The following TXK variants were observed in gnomAD, a reference collection of about 807,000 sequenced individuals.
TXK encodes the protein TXK tyrosine kinase, also known as tyrosine-protein kinase TXK.
TXK carries 60 observed loss-of-function variants against 81.0 expected under a neutral mutation model. That is an observed-to-expected ratio of 0.74 (90% confidence interval 0.60 to 0.92). The LOEUF (loss-of-function observed/expected upper bound fraction) is 0.92. Ranked by LOEUF, TXK falls within the 40% of genes least tolerant of loss-of-function variation. The pLI is 0.00. For missense variants in TXK, 581 were observed against 638.3 expected (o/e 0.91, Z 0.97); for synonymous variants, 203 against 210.7 (o/e 0.96, Z 0.32).
Position 48,071,448 on chromosome 4 carries a change from T to C in TXK, c.1515+69A>G. 5 of 1,463,334 alleles carry C rather than the reference T, an allele frequency of 3.4e-6. No homozygotes were observed. The East Asian group carries it at 9.2e-5, about 27-fold the overall frequency. 90.6% of individuals were successfully genotyped at this position (1,463,334 alleles called of 1,614,324 possible). On this transcript the variant is annotated intron_variant, in intron 14 of 14. Coordinates refer to ENST00000264316, the MANE Select transcript of TXK (RefSeq NM_003328.3). ...CCATGACAGAGTTCTGAAGTAATGT[T>C]TGTGATAATCAGGTCTGCTCTCAGA...
At position 48,110,387 on chromosome 4, in the gene TXK, T is replaced by A. The variant is rs559283739; in HGVS notation, c.446+151A>T. The A allele has an allele frequency of 2.9e-5, 17 of 589,122 alleles. No individual in the cohort carries two copies. In the East Asian group the frequency reaches 5.2e-4, roughly 18 times the overall value. 36.5% of individuals were successfully genotyped at this position (589,122 alleles called of 1,614,324 possible). ...AGTATAAGGAAAAGAAGTTTCTGAA[T>A]CAACCATGATAAGGATCAAACGTCT... On this transcript the variant is annotated intron_variant, in intron 5 of 14. Transcript: ENST00000264316.
chr4:48,123,100 T>C (rs1353314839), intron 1 of TXK, among the ~76,000 whole-genome samples: 1 of 152,230 alleles, frequency 6.6e-6, no homozygotes, highest in Non-Finnish European at 1.5e-5. Context: ...AAAAAGTGTA[T>C]ATAATGGCCA....
intron 10 of TXK, among the ~76,000 whole-genome samples, chr4:48,080,701 CACAA>C (rs1349229786): frequency 1.9e-4 from 27 of 142,266 alleles, no homozygotes; most frequent in Admixed American, 1.9e-3. Context: ...CACACACACA[CACAA>C]AGACTTGAAT....
chr4:48,101,531 C>A (rs1221477981), intron 6 of TXK, among the ~76,000 whole-genome samples: 1 of 151,844 alleles, frequency 6.6e-6, no homozygotes, highest in Non-Finnish European at 1.5e-5. Flanking sequence ...AAACCCAAAC[C>A]AGAATATGTA....
Position 48,097,422 on chromosome 4 carries a change from C to CTTTT in TXK, c.502-2204_502-2201dup, listed in dbSNP as rs4031383. ...TGATTGGGTTTTTAAAAAGCTACCA[C>CTTTT]TTTTTTTTTTTTTTTGAGACGGAGT... On this transcript the variant is annotated intron_variant, in intron 6 of 14. Transcript: ENST00000264316. Among the ~76,000 whole-genome samples the CTTTT allele has an allele frequency of 4.6e-3, 653 of 141,840 alleles. 6 individuals are homozygous for CTTTT. The highest frequency in any genetic ancestry group is 0.014 in the African/African-American group (549 of 38,382). The allele number at this position is 141,840 out of a possible 152,430, so 93.1% of individuals were successfully genotyped here.
At chr4:48,095,818 G>A (rs1717957602) in intron 6 of TXK, among the ~76,000 whole-genome samples, 1 of 152,202 alleles carries the variant, frequency 6.6e-6, no homozygotes, top group Non-Finnish European at 1.5e-5. Context: ...CTGAAGTTAT[G>A]TTATAAATTA....
At chr4:48,123,316 C>T (rs939503915) in intron 1 of TXK, among the ~76,000 whole-genome samples, 1 of 152,128 alleles carries the variant, frequency 6.6e-6, no homozygotes, top group Non-Finnish European at 1.5e-5. Flanking sequence ...ATTTTTATTT[C>T]CCCAATTTGG....
At chr4:48,089,058 G>A (rs1717646488) in intron 9 of TXK, among the ~76,000 whole-genome samples, 1 of 152,156 alleles carries the variant, frequency 6.6e-6, no homozygotes, top group Non-Finnish European at 1.5e-5. Context: ...AAAAAAAGAT[G>A]AAGACGATAC....
rs758860956 is a variant in TXK at position 48,112,292 on chromosome 4, A to T, written c.380+15T>A. 1.9e-6 allele frequency: 3 copies of T among 1,611,592 alleles called. No individual in the cohort carries two copies. The highest frequency in any genetic ancestry group is 2.5e-6 in the Non-Finnish European group (3 of 1,177,830). ...GGAAGAATTGGATACTGACTAAGTC[A>T]TGTAAGTGTCTTACCCCAAACGGTC... On this transcript the variant is annotated intron_variant, in intron 4 of 14. Coordinates refer to ENST00000264316, the MANE Select transcript of TXK (RefSeq NM_003328.3).
At chr4:48,119,555 C>T (rs1718895060) in intron 1 of TXK, among the ~76,000 whole-genome samples, 2 of 152,148 alleles carry the variant, frequency 1.3e-5, no homozygotes, top group African/African-American at 4.8e-5. Context: ...CCTTTTCTTC[C>T]ATTTCTCTCT....
chr4:48,073,697 GT>G (rs1716952141), intron 13 of TXK, among the ~76,000 whole-genome samples: 1 of 152,188 alleles, frequency 6.6e-6, no homozygotes, highest in African/African-American at 2.4e-5. Context: ...CTTTGTTATG[GT>G]TTTATAGTGA....
At chr4:48,109,678 T>C (rs942438974) in intron 5 of TXK, among the ~76,000 whole-genome samples, 4 of 152,212 alleles carry the variant, frequency 2.6e-5, no homozygotes, top group African/African-American at 9.6e-5. Context: ...AAAGTCTACA[T>C]TATCCACCAA....
chr4:48,097,560 C>T (rs1304147089), intron 6 of TXK, among the ~76,000 whole-genome samples: 2 of 150,578 alleles, frequency 1.3e-5, no homozygotes, highest in African/African-American at 4.9e-5. Flanking sequence ...ATTCAAACTC[C>T]TGAGTAACTC....
chr4:48,071,615 A>G lies in TXK; in HGVS notation c.1417T>C (p.Leu473=). ...GKMPFENKSN[L]QVVEAISEGF... is the part of the protein sequence containing the mutation. ...TCAGAAATAGCTTCCACGACTTGCA[A>G]ATTTGACTTATTTTCAAAAGGCATT... The change falls in exon 14 of 15, where the codon TTG becomes CTG. Residue 473 remains leucine (L), a synonymous_variant. Transcript: ENST00000264316. 2.5e-6 allele frequency: 4 copies of G among 1,614,190 alleles called. No individual in the cohort carries two copies. Among genetic ancestry groups the G allele is most frequent in the Admixed American group, 3.3e-5 (2 of 60,018 alleles).
chr4:48,088,529 TC>T (rs1463460219), intron 9 of TXK, among the ~76,000 whole-genome samples: 1 of 152,068 alleles, frequency 6.6e-6, no homozygotes. Context: ...TGGATGAAAC[TC>T]ACAGATGTAA....
chr4:48,075,397 A>C (rs992368056), intron 12 of TXK, among the ~76,000 whole-genome samples: 2 of 152,144 alleles, frequency 1.3e-5, no homozygotes, highest in African/African-American at 4.8e-5. Flanking sequence ...TCACACCTGT[A>C]ATCACAGCAC....
intron 11 of TXK, 133 bp from the exon 12 acceptor site, chr4:48,076,599 TATCCATCAA>T (rs1210564956): frequency 3.0e-6 from 2 of 675,746 alleles, no homozygotes; most frequent in Non-Finnish European, 5.1e-6. Context: ...TTTATGGTGA[TATCCATCAA>T]TGGTATAGAT....
At chr4:48,097,226 C>T (rs1032284707) in intron 6 of TXK, among the ~76,000 whole-genome samples, 1 of 151,910 alleles carries the variant, frequency 6.6e-6, no homozygotes, top group Non-Finnish European at 1.5e-5. Flanking sequence ...AATAATAAGT[C>T]ACAAGGAGAA....
chr4:48,067,340 T>A lies in TXK; in HGVS notation c.*297A>T, dbSNP rs1460566374. The A allele has an allele frequency of 3.2e-6, 1 of 308,388 alleles. No homozygotes were observed. Among genetic ancestry groups the A allele is most frequent in the African/African-American group, 2.1e-5 (1 of 46,576 alleles). The allele number at this position is 308,388 out of a possible 1,614,324, so 19.1% of individuals were successfully genotyped here. A position where few individuals can be genotyped will look rare whatever the true frequency, so the allele number is the denominator to read the frequency against. On this transcript the variant is annotated 3_prime_UTR_variant, in exon 15 of 15. Coordinates refer to ENST00000264316, the MANE Select transcript of TXK (RefSeq NM_003328.3). ...ACCTCAAGGGTTCCTGGGGCTATGA[T>A]CATGAAGAGCACCACAATGAAGACT...
Sources: allele counts gnomAD v4.1 joint callset (sites outside exome capture counted in the v4.1 genomes callset), GRCh38; gene constraint gnomAD v4.1.1; transcripts MANE v1.5; gene names NCBI Gene and HGNC (gene_info 2026-07-23, HGNC 2026-07-21).